The following ATXN1 variants were observed in gnomAD, a reference collection of about 807,000 sequenced individuals.
ATXN1 encodes the protein ataxin-1.
ATXN1 carries 8 observed loss-of-function variants against 56.4 expected under a neutral mutation model. The ratio of observed to expected loss-of-function variants is 0.14; its 90% CI spans 0.08 to 0.26. The LOEUF is 0.26. Ranked by LOEUF, ATXN1 falls within the 10% of genes least tolerant of loss-of-function variation. ATXN1 has a pLI of 1.00. For synonymous variants in ATXN1, 514 were observed against 494.6 expected (o/e 1.04, Z -0.52); for missense variants, 987 against 1,106.5 (o/e 0.89, Z 1.53).
chr6:16,667,624 C>T (rs1024371076), intron 2 of ATXN1: 2 of 152,268 alleles, frequency 1.3e-5, no homozygotes, highest in Admixed American at 1.3e-4. Context: ...CCTGTTTATT[C>T]CTCTGAAAGC....
intron 6 of ATXN1, among the ~76,000 whole-genome samples, chr6:16,349,488 C>T (rs537372723): frequency 6.6e-6 from 1 of 151,168 alleles, no homozygotes; most frequent in African/African-American, 2.4e-5. Context: ...GGTGACAGAG[C>T]GAGACTGTGT....
At chr6:16,401,319 G>A (rs1463698557) in intron 6 of ATXN1, among the ~76,000 whole-genome samples, 1 of 152,184 alleles carries the variant, frequency 6.6e-6, no homozygotes, top group Non-Finnish European at 1.5e-5. Context: ...AAGCCTGGGG[G>A]ACCAGGCTCA....
chr6:16,399,824 T>C (rs1280436424), intron 6 of ATXN1, among the ~76,000 whole-genome samples: 2 of 152,166 alleles, frequency 1.3e-5, no homozygotes, highest in South Asian at 2.1e-4. Flanking sequence ...GGGCCCCAAA[T>C]GTCAACAGTG....
chr6:16,508,330 G>A (rs1294269024), intron 5 of ATXN1, among the ~76,000 whole-genome samples: 2 of 152,118 alleles, frequency 1.3e-5, no homozygotes, highest in African/African-American at 4.8e-5. Context: ...CTAAATTAAT[G>A]TATATATTAT....
intron 3 of ATXN1, among the ~76,000 whole-genome samples, chr6:16,590,889 C>A (rs958908794): frequency 1.3e-5 from 2 of 151,126 alleles, no homozygotes; most frequent in African/African-American, 4.9e-5. Flanking sequence ...GTTGCCCAGG[C>A]TGGAGTGCAA....
chr6:16,670,468 T>C (rs1758518327), intron 2 of ATXN1, among the ~76,000 whole-genome samples: 1 of 152,160 alleles, frequency 6.6e-6, no homozygotes, highest in African/African-American at 2.4e-5. Context: ...TCTGCGATCT[T>C]CCTCTGTGCT....
chr6:16,484,947 ATG>A (rs35749735), intron 6 of ATXN1, among the ~76,000 whole-genome samples: 12,101 of 125,904 alleles, frequency 0.096, 534 homozygotes, highest in Middle Eastern at 0.15. Flanking sequence ...CTAAATATAT[ATG>A]TGTGTGTGTG....
chr6:16,644,433 T>C (rs1386108160), intron 3 of ATXN1, among the ~76,000 whole-genome samples: 1 of 150,682 alleles, frequency 6.6e-6, no homozygotes, highest in Non-Finnish European at 1.5e-5. Flanking sequence ...GAGAATTGCT[T>C]GAACCCAGGA....
rs1331862806 is a variant in ATXN1 at position 16,719,424 on chromosome 6, G to A, written c.-615+33809C>T. On this transcript the variant is annotated intron_variant, in intron 2 of 7. Transcript: ENST00000436367. ...TGTCAAGTGAAATAATTATTGATTG[G>A]TGCATTAAAATTAAAAACGAATGTA... is the stretch of plus-strand genomic sequence containing the variant. Among the ~76,000 whole-genome samples, 4 of 152,278 alleles carry A rather than the reference G, an allele frequency of 2.6e-5. No individual in the cohort carries two copies. In the South Asian group the frequency reaches 6.2e-4, roughly 24 times the overall value.
intron 6 of ATXN1, among the ~76,000 whole-genome samples, chr6:16,409,275 G>A (rs930865113): frequency 4.0e-5 from 6 of 149,994 alleles, no homozygotes; most frequent in Admixed American, 6.7e-5. Flanking sequence ...TTGCCTTAGC[G>A]TCTGTCCTCT....
chr6:16,594,483 T>A (rs373736172), intron 3 of ATXN1, among the ~76,000 whole-genome samples: 40 of 151,444 alleles, frequency 2.6e-4, no homozygotes, highest in East Asian at 1.9e-3. Flanking sequence ...CTTTTTTTTT[T>A]TTTATTTATT....
intron 6 of ATXN1, among the ~76,000 whole-genome samples, chr6:16,456,507 T>C (rs995320381): frequency 1.3e-5 from 2 of 152,128 alleles, no homozygotes; most frequent in Non-Finnish European, 2.9e-5. Context: ...TTCCTGCACT[T>C]CCGGGCTAAG....
In ATXN1 at chr6:16,685,075, A is replaced by G. The variant is rs6921486; in HGVS notation, c.-614-27174T>C. Among the ~76,000 whole-genome samples the G allele has an allele frequency of 2.4e-3, 368 of 151,992 alleles. 1 individual carries two copies. Among genetic ancestry groups the G allele is most frequent in the African/African-American group, 8.3e-3 (342 of 41,450 alleles). The stretch of plus-strand genomic sequence containing the variant: ...CACACACATACACACACACCCTCCC[A>G]CTTCTGGCTCCAGAAATTACTTGTT... On this transcript the variant is annotated intron_variant, in intron 2 of 7. Transcript: ENST00000436367.
intron 6 of ATXN1, among the ~76,000 whole-genome samples, chr6:16,477,658 T>C (rs1226285113): frequency 1.3e-5 from 2 of 152,224 alleles, no homozygotes; most frequent in Non-Finnish European, 2.9e-5. Context: ...TCTCCAACTC[T>C]GCATGCCAGT....
At chr6:16,484,276 T>A (rs191550390) in intron 6 of ATXN1, among the ~76,000 whole-genome samples, 403 of 152,016 alleles carry the variant, frequency 2.7e-3, no homozygotes, top group African/African-American at 9.1e-3. Flanking sequence ...CTACCAAAAA[T>A]ACAAAAAATT....
chr6:16,537,255 G>C (rs920635792), intron 4 of ATXN1, among the ~76,000 whole-genome samples: 33 of 152,240 alleles, frequency 2.2e-4, no homozygotes, highest in African/African-American at 7.9e-4. Flanking sequence ...CCTGTCTAGA[G>C]TATTTCCTTG....
At chr6:16,642,389 C>T (rs189930200) in intron 3 of ATXN1, among the ~76,000 whole-genome samples, 381 of 152,022 alleles carry the variant, frequency 2.5e-3, no homozygotes, top group Non-Finnish European at 3.8e-3. Flanking sequence ...AACGAGACTC[C>T]GTCTCAAAAC....
intron 2 of ATXN1, among the ~76,000 whole-genome samples, chr6:16,736,293 G>A (rs1301040848): frequency 4.6e-5 from 7 of 152,122 alleles, no homozygotes; most frequent in Non-Finnish European, 1.0e-4. Context: ...AAATATATAC[G>A]TTCTGAAAGA....
Position 16,440,649 on chromosome 6 carries a change from A to AAAAAAAAAAAAAAAAAAAG in ATXN1, c.-161+45322_-161+45323insCTTTTTTTTTTTTTTTTTT, listed in dbSNP as rs56105499. Among the ~76,000 whole-genome samples the AAAAAAAAAAAAAAAAAAAG allele has an allele frequency of 2.5e-3, 280 of 113,584 alleles. 6 individuals are homozygous for AAAAAAAAAAAAAAAAAAAG. The highest frequency in any genetic ancestry group is 4.7e-3 in the African/African-American group (129 of 27,212). 74.5% of individuals were successfully genotyped at this position (113,584 alleles called of 152,430 possible). A position where few individuals can be genotyped will look rare whatever the true frequency, so the allele number is the denominator to read the frequency against. On this transcript the variant is annotated intron_variant, in intron 6 of 7. Transcript: ENST00000436367. ...GAGTGAGACCCTGTCTTAAAAAAAA[A>AAAAAAAAAAAAAAAAAAAG]AAAGAAAAGAAAAGAAAAAATTAAA...
Sources: allele counts gnomAD v4.1 joint callset (sites outside exome capture counted in the v4.1 genomes callset), GRCh38; gene constraint gnomAD v4.1.1; transcripts MANE v1.5; gene names NCBI Gene and HGNC (gene_info 2026-07-23, HGNC 2026-07-21).